BRWD1: variants seen among roughly 807,000 people sequenced by gnomAD.
The protein encoded by BRWD1 is bromodomain and WD repeat domain containing 1.
BRWD1 carries 82 observed loss-of-function variants against 251.2 expected under a neutral mutation model. The observed-to-expected ratio is 0.33, with a 90% CI of 0.27 to 0.39. The LOEUF is 0.39. Ranked by LOEUF, BRWD1 falls within the 10% of genes least tolerant of loss-of-function variation. BRWD1 has a pLI of 1.00. For synonymous variants in BRWD1, 918 were observed against 902.8 expected, an observed-to-expected ratio of 1.02 and a Z score of -0.30; for missense variants, 2,233 against 2,711.6, an observed-to-expected ratio of 0.82 and a Z score of 3.92.
At chr21:39,246,748 A>G (rs1291758449) in intron 21 of BRWD1, among the ~76,000 whole-genome samples, 1 of 152,236 alleles carries the variant, frequency 6.6e-6, no homozygotes, top group Non-Finnish European at 1.5e-5. Flanking sequence ...TAGAGAAAAC[A>G]TTATGCAATG....
At position 39,191,632 on chromosome 21, in the gene BRWD1, T is replaced by C; in HGVS notation, c.*4627A>G. 4.1e-6 allele frequency: 4 copies of C among 984,596 alleles called. No homozygotes were observed. Among genetic ancestry groups the C allele is most frequent in the Non-Finnish European group, 4.8e-6 (4 of 829,264 alleles). The allele number at this position is 984,596 out of a possible 1,614,324, so 61.0% of individuals were successfully genotyped here. On this transcript the variant is annotated 3_prime_UTR_variant, in exon 41 of 41. Coordinates refer to ENST00000342449, the MANE Select transcript of BRWD1 (RefSeq NM_033656.4). ...CAAGGACTGATTCACATTTAGAAAA[T>C]TAACTTGAATATATCAAAAATTAAA...
Position 39,259,192 on chromosome 21 carries a change from T to G in BRWD1, c.1886-520A>C, listed in dbSNP as rs1488177136. On this transcript the variant is annotated intron_variant, in intron 17 of 40. Coordinates refer to ENST00000342449, the MANE Select transcript of BRWD1 (RefSeq NM_033656.4). ...TGCCCCAAGAGTCCTCGGAGAACAGTGCAATTGATGGTGGTAATTACACAA... is the reference window on the plus strand; with the variant it reads ...TGCCCCAAGAGTCCTCGGAGAACAGGGCAATTGATGGTGGTAATTACACAA... 2.6e-5 allele frequency among the ~76,000 whole-genome samples: 4 copies of G among 152,336 alleles called. No homozygotes were observed. In the East Asian group the frequency reaches 7.7e-4, roughly 29 times the overall value.
rs765264784 is a variant in BRWD1 at position 39,270,232 on chromosome 21, AATC to A, written c.1395+48_1395+50del. ...ATTATTTTTATAGCTTCAAAATTAC[AATC>A]ATATTTCAAAAAATCTCATTTGTTA... On this transcript the variant is annotated intron_variant, in intron 14 of 40. Coordinates refer to ENST00000342449, the MANE Select transcript of BRWD1 (RefSeq NM_033656.4). 507 of 1,464,016 alleles carry A rather than the reference AATC, an allele frequency of 3.5e-4. 1 individual carries two copies. Among genetic ancestry groups the A allele is most frequent in the Non-Finnish European group, 4.4e-4 (479 of 1,095,256 alleles). The allele number at this position is 1,464,016 out of a possible 1,614,324, so 90.7% of individuals were successfully genotyped here. A position where few individuals can be genotyped will look rare whatever the true frequency, so the allele number is the denominator to read the frequency against.
At chr21:39,260,999 C>T (rs1261252124) in intron 17 of BRWD1, among the ~76,000 whole-genome samples, 9 of 152,178 alleles carry the variant, frequency 5.9e-5, no homozygotes, top group African/African-American at 7.2e-5. Context: ...CTGAGGTGGG[C>T]GGATCACCTG....
In BRWD1 at chr21:39,312,940, G is replaced by C. The variant is rs1309703079; in HGVS notation, c.139-40C>G. The C allele has an allele frequency of 1.9e-6, 2 of 1,050,142 alleles. 1 individual carries two copies. The highest frequency in any genetic ancestry group is 2.4e-6 in the Non-Finnish European group (2 of 826,996). The allele number at this position is 1,050,142 out of a possible 1,614,324, so 65.1% of individuals were successfully genotyped here. ...AACGCACACGAGTGACCACCCCTCC[G>C]GCGCGGGGGGGGCGGGGGGCGGGGG... On this transcript the variant is annotated intron_variant, in intron 3 of 40. Transcript: ENST00000342449.
At chr21:39,204,368 T>A (rs2032288127) in intron 37 of BRWD1, among the ~76,000 whole-genome samples, 1 of 151,490 alleles carries the variant, frequency 6.6e-6, no homozygotes, top group South Asian at 2.1e-4. Context: ...AAAATATAAA[T>A]GGAAACAAAC....
chr21:39,313,313 A>G lies in BRWD1; in HGVS notation c.50-14T>C, dbSNP rs34240248. On this transcript the variant is annotated splice_polypyrimidine_tract_variant and intron_variant, in intron 1 of 40. Transcript: ENST00000342449. ...GGAAGTACAGCTCTGCGGGAAGACA[A>G]GGAGTCAGGTCAAGCCCCGGCGGGG... 0.59 allele frequency: 903,808 copies of G among 1,536,550 alleles called. 268,010 individuals carry two copies. The highest frequency in any genetic ancestry group is 0.72 in the Admixed American group (39,761 of 55,170).
chr21:39,306,444 G>A (rs1228465267), intron 4 of BRWD1, among the ~76,000 whole-genome samples: 1 of 152,066 alleles, frequency 6.6e-6, no homozygotes, highest in Non-Finnish European at 1.5e-5. Flanking sequence ...TCATGTATAC[G>A]AGTGGTAAAG....
rs1475983891 is a variant in BRWD1, at chr21:39,191,038, G to C, written c.*5221C>G. On this transcript the variant is annotated 3_prime_UTR_variant, in exon 41 of 41. Transcript: ENST00000342449. ...AAAAATCTCATAAAAGCCTTATTTTGAAATATGAATTCAGGGACTTTATAC... is the reference window on the plus strand; with the variant it reads ...AAAAATCTCATAAAAGCCTTATTTTCAAATATGAATTCAGGGACTTTATAC... The C allele has an allele frequency of 3.0e-6, 3 of 985,014 alleles. No individual in the cohort carries two copies. The highest frequency in any genetic ancestry group is 9.4e-5 in the South Asian group (2 of 21,276). The allele number at this position is 985,014 out of a possible 1,614,324, so 61.0% of individuals were successfully genotyped here.
chr21:39,299,632 A>G (rs979763440), intron 4 of BRWD1, among the ~76,000 whole-genome samples: 1 of 152,158 alleles, frequency 6.6e-6, no homozygotes, highest in Non-Finnish European at 1.5e-5. Context: ...GAAACAAAGA[A>G]AAATCTACAT....
intron 4 of BRWD1, among the ~76,000 whole-genome samples, chr21:39,302,539 C>T (rs2036152975): frequency 6.6e-6 from 1 of 151,890 alleles, no homozygotes; most frequent in African/African-American, 2.4e-5. Flanking sequence ...GGCAGATCAC[C>T]TGAGGTCAGG....
chr21:39,243,455 G>GT (rs913012350), intron 21 of BRWD1, among the ~76,000 whole-genome samples: 3 of 151,820 alleles, frequency 2.0e-5, no homozygotes, highest in Admixed American at 6.6e-5. Flanking sequence ...CTCATTTTTT[G>GT]TTTTTTTGAC....
Position 39,232,201 on chromosome 21 carries a change from C to T in BRWD1, c.2976G>A (p.Glu992=), listed in dbSNP as rs2033642512. The change falls in exon 25 of 41, where the codon GAG becomes GAA. Residue 992 remains glutamate (E), a synonymous_variant. Coordinates refer to ENST00000342449, the MANE Select transcript of BRWD1 (RefSeq NM_033656.4). ...CCCTAAGATCCATTTTTCTCCATGG[C>T]TCCTTATTAGGGTTCAGTTCATAAA... is the stretch of plus-strand genomic sequence containing the variant. The part of the protein sequence containing the change: ...NNIYELNPNK[E]PWRKMDLRDQ... The T allele has an allele frequency of 6.2e-7, 1 of 1,612,276 alleles. No individual in the cohort carries two copies. Among genetic ancestry groups the T allele is most frequent in the Non-Finnish European group, 8.5e-7 (1 of 1,178,946 alleles).
chr21:39,313,790 G>A (rs1004764011), upstream of BRWD1: 4 of 379,584 alleles, frequency 1.1e-5, no homozygotes, highest in African/African-American at 4.4e-5. Context: ...GGGACTCGAT[G>A]AGGAGAAAGT....
chr21:39,260,511 G>A (rs1340586367), intron 17 of BRWD1, among the ~76,000 whole-genome samples: 1 of 152,104 alleles, frequency 6.6e-6, no homozygotes, highest in African/African-American at 2.4e-5. Context: ...CTGTCTCTAT[G>A]GAATAATACA....
At position 39,198,912 on chromosome 21, in the gene BRWD1, C is replaced by T. The variant is rs752951448; in HGVS notation, c.5504G>A (p.Gly1835Glu). ...GTTCATTTCCATTTTATGACATTTCCCATCTTCTCTATCTTGCTCTTCAGA... is the reference window on the plus strand; with the variant it reads ...GTTCATTTCCATTTTATGACATTTCTCATCTTCTCTATCTTGCTCTTCAGA... ...SESEEQDRED[G>E]KCHKMEMNPI... is the part of the protein sequence containing the mutation. Residue 1835 changes from glycine to glutamate, a missense_variant, in exon 40 of 41, where the codon GGG becomes GAG. Physicochemically the swap from Gly to Glu is moderately conservative, Grantham distance 98. Around this residue, in one of 12 missense-constraint regions of BRWD1, gnomAD observed 928 missense variants for 970.0 expected, o/e 0.96. Coordinates refer to ENST00000342449, the MANE Select transcript of BRWD1 (RefSeq NM_033656.4). The T allele has an allele frequency of 1.2e-6, 2 of 1,613,938 alleles. No individual in the cohort carries two copies. Among genetic ancestry groups the T allele is most frequent in the East Asian group, 4.5e-5 (2 of 44,886 alleles).
intron 8 of BRWD1, among the ~76,000 whole-genome samples, chr21:39,282,144 G>A (rs1030517918): frequency 3.9e-5 from 6 of 151,990 alleles, no homozygotes; most frequent in South Asian, 2.1e-4. Context: ...GCATGGTGGC[G>A]CATGCTTGTA....
chr21:39,251,242 A>T (rs2034383730), intron 19 of BRWD1, among the ~76,000 whole-genome samples: 2 of 152,186 alleles, frequency 1.3e-5, no homozygotes, highest in South Asian at 4.1e-4. Context: ...TGCCTTCTCC[A>T]CATTTATTCA....
chr21:39,225,073 T>A lies in BRWD1; in HGVS notation c.3320+13A>T. ...ATTACTGGGAAATGATTAGTTTTCA[T>A]CTGTATACAAACCTAACAATATAAC... On this transcript the variant is annotated intron_variant, in intron 28 of 40. Coordinates refer to ENST00000342449, the MANE Select transcript of BRWD1 (RefSeq NM_033656.4). 1 of 1,512,746 alleles carries A rather than the reference T, an allele frequency of 6.6e-7. No homozygotes were observed. The highest frequency in any genetic ancestry group is 9.2e-7 in the Non-Finnish European group (1 of 1,088,686). 93.7% of individuals were successfully genotyped at this position (1,512,746 alleles called of 1,614,324 possible).
Sources: gnomAD v4.1 joint callset for allele counts (sites outside exome capture counted in the v4.1 genomes callset) on GRCh38, gnomAD v4.1.1 for gene constraint, gnomAD v4.1.1 regional missense constraint, MANE v1.5 for transcripts, NCBI Gene and HGNC (gene_info 2026-07-23, HGNC 2026-07-21) for gene names.